Variants in CNIH3 observed in about 807,000 individuals in gnomAD.
CNIH3 encodes cornichon family AMPA receptor auxiliary protein 3, also known as protein cornichon homolog 3.
In CNIH3, 14 loss-of-function variants were observed where a neutral mutation model predicts 24.1. That is an observed-to-expected ratio of 0.58 (90% CI 0.38 to 0.91). The LOEUF (loss-of-function observed/expected upper bound fraction) is 0.91. Ranked by LOEUF, CNIH3 falls within the 40% of genes least tolerant of loss-of-function variation. The pLI, the probability that CNIH3 is intolerant of heterozygous loss-of-function variation, is 0.00. For synonymous variants in CNIH3, 68 were observed against 73.8 expected (o/e 0.92, Z 0.40); for missense variants, 178 against 196.8 (o/e 0.90, Z 0.57).
intron 1 of CNIH3, among the ~76,000 whole-genome samples, chr1:224,623,585 A>C (rs1046302389): frequency 6.6e-6 from 1 of 150,918 alleles, no homozygotes; most frequent in Non-Finnish European, 1.5e-5. Context: ...ACTGTCCCCC[A>C]CCCCTGACTG....
intron 1 of CNIH3, among the ~76,000 whole-genome samples, chr1:224,477,353 TC>T (rs1418819279): frequency 1.3e-5 from 2 of 152,218 alleles, no homozygotes; most frequent in Non-Finnish European, 2.9e-5. Flanking sequence ...ATCTCCTAAG[TC>T]GAATTCTGAA....
Position 224,734,615 on chromosome 1 carries a change from G to T in CNIH3, c.364G>T (p.Val122Phe). The T allele has an allele frequency of 2.5e-6, 4 of 1,614,196 alleles. No individual in the cohort carries two copies. The highest frequency in any genetic ancestry group is 3.4e-6 in the Non-Finnish European group (4 of 1,180,028). The change falls in exon 5 of 6, where the codon GTC becomes TTC. Residue 122 changes from valine (V) to phenylalanine (F), a missense_variant. Physicochemically the swap from Val to Phe is conservative, Grantham distance 50. Coordinates refer to ENST00000272133, the MANE Select transcript of CNIH3 (RefSeq NM_152495.2). The stretch of plus-strand genomic sequence containing the variant: ...AGAACTAGCCTACGACCCACCGGTG[G>T]TCATGAATGCCGACACTTTGAGTTA... ...SSELAYDPPV[V>F]MNADTLSYCQ...
chr1:224,678,273 G>T (rs1337681593), intron 1 of CNIH3, among the ~76,000 whole-genome samples: 1 of 152,196 alleles, frequency 6.6e-6, no homozygotes, highest in East Asian at 1.9e-4. Context: ...CACATGAAAA[G>T]ACCTAGGGCT....
intron 1 of CNIH3, among the ~76,000 whole-genome samples, chr1:224,671,921 A>G (rs16851528): frequency 0.23 from 35,625 of 152,080 alleles, 4,338 homozygotes; most frequent in African/African-American, 0.31. Flanking sequence ...ACTTGCATGT[A>G]GCAGTTTAGA....
At chr1:224,436,226 G>A (rs901510843) in intron 1 of CNIH3, among the ~76,000 whole-genome samples, 2 of 152,162 alleles carry the variant, frequency 1.3e-5, no homozygotes, top group Admixed American at 6.5e-5. Context: ...GCCGACCTGA[G>A]TTCTAGTTGA....
At chr1:224,518,182 G>A (rs908580309) in intron 1 of CNIH3, among the ~76,000 whole-genome samples, 2 of 152,166 alleles carry the variant, frequency 1.3e-5, no homozygotes, top group Admixed American at 6.5e-5. Flanking sequence ...AGACTGCAGC[G>A]ATTCATGAAC....
At chr1:224,439,791 T>C (rs987371865) in intron 1 of CNIH3, among the ~76,000 whole-genome samples, 1 of 151,546 alleles carries the variant, frequency 6.6e-6, no homozygotes, top group Admixed American at 6.6e-5. Flanking sequence ...TTGGTTTTTG[T>C]TTTGTTTTGT....
chr1:224,616,882 G>C lies in CNIH3; in HGVS notation c.-293G>C. 7.9e-7 allele frequency: 1 copy of C among 1,261,136 alleles called. No individual in the cohort carries two copies. Among genetic ancestry groups the C allele is most frequent in the Non-Finnish European group, 1.0e-6 (1 of 1,002,994 alleles). The allele number at this position is 1,261,136 out of a possible 1,614,324, so 78.1% of individuals were successfully genotyped here. A position where few individuals can be genotyped will look rare whatever the true frequency, so the allele number is the denominator to read the frequency against. On this transcript the variant is annotated 5_prime_UTR_variant, in exon 1 of 6. Transcript: ENST00000272133. Reference sequence around the variant, plus strand: ...CACAGCTTGGCACTAATTTGCAGGTGTTCGCTGCTGATTTGGTTTCTTCTT... The same window carrying C: ...CACAGCTTGGCACTAATTTGCAGGTCTTCGCTGCTGATTTGGTTTCTTCTT...
Position 224,703,977 on chromosome 1 carries a change from C to T in CNIH3, c.198+19134C>T, listed in dbSNP as rs556740163. The stretch of plus-strand genomic sequence containing the variant: ...AGGGAGCAACGGTGCACCAATCATG[C>T]GATGAATGAGGCCAGAGTTTCATTG... On this transcript the variant is annotated intron_variant, in intron 3 of 5. Coordinates refer to ENST00000272133, the MANE Select transcript of CNIH3 (RefSeq NM_152495.2). The surrounding 1 kb of genome is among the most constrained non-coding windows in gnomAD (Gnocchi z 4.2). Among the ~76,000 whole-genome samples, 9 of 151,070 alleles carry T rather than the reference C, an allele frequency of 6.0e-5. No individual in the cohort carries two copies. The South Asian group carries it at 1.2e-3, about 21-fold the overall frequency.
chr1:224,572,646 A>G (rs1364683573), intron 4 of CNIH3, among the ~76,000 whole-genome samples: 1 of 147,854 alleles, frequency 6.8e-6, no homozygotes, highest in Admixed American at 6.7e-5. Flanking sequence ...TTTTTTTTTA[A>G]TATTTCTGCC....
intron 3 of CNIH3, among the ~76,000 whole-genome samples, chr1:224,698,766 A>G (rs547474713): frequency 3.3e-5 from 5 of 152,348 alleles, no homozygotes; most frequent in African/African-American, 9.6e-5. Flanking sequence ...CTAGAAGATG[A>G]GTAAGGGCAC....
At chr1:224,681,610 A>G (rs942263426) in intron 2 of CNIH3, among the ~76,000 whole-genome samples, 1 of 152,168 alleles carries the variant, frequency 6.6e-6, no homozygotes, top group South Asian at 2.1e-4. Context: ...GGTGCCTGGC[A>G]TCTTCCTGCT....
At chr1:224,601,398 GCCGCTTAGTGC>G (rs1172391310) in intron 3 of CNIH3, among the ~76,000 whole-genome samples, 2 of 152,162 alleles carry the variant, frequency 1.3e-5, no homozygotes, top group Non-Finnish European at 2.9e-5. Flanking sequence ...CCGCCATTTT[GCCGCTTAGTGC>G]ACATGCTTGA....
chr1:224,546,522 G>A (rs1679711251), intron 2 of CNIH3, among the ~76,000 whole-genome samples: 1 of 152,182 alleles, frequency 6.6e-6, no homozygotes, highest in African/African-American at 2.4e-5. Flanking sequence ...AGGAGGAGAG[G>A]TCACAGAGGT....
At chr1:224,560,248 A>C (rs1306777156) in intron 3 of CNIH3, among the ~76,000 whole-genome samples, 1 of 152,156 alleles carries the variant, frequency 6.6e-6, no homozygotes, top group Non-Finnish European at 1.5e-5. Flanking sequence ...CATACCTAGG[A>C]GTGGAATTTC....
upstream of CNIH3, among the ~76,000 whole-genome samples, chr1:224,511,223 G>C (rs1229521636): frequency 6.6e-6 from 1 of 152,178 alleles, no homozygotes; most frequent in Non-Finnish European, 1.5e-5. Context: ...CGTTTCCAAG[G>C]CTCTATTCCC....
intron 1 of CNIH3, among the ~76,000 whole-genome samples, chr1:224,644,860 A>C (rs1684527018): frequency 6.6e-6 from 1 of 152,234 alleles, no homozygotes; most frequent in African/African-American, 2.4e-5. Flanking sequence ...AAGCGTAAGC[A>C]GCCAAGTGCA....
At chr1:224,700,995 C>T (rs1057150365) in intron 3 of CNIH3, among the ~76,000 whole-genome samples, 4 of 152,186 alleles carry the variant, frequency 2.6e-5, no homozygotes, top group African/African-American at 9.7e-5. Flanking sequence ...CCCAGGAGAT[C>T]CCAGGCACTT....
chr1:224,640,879 G>A lies in CNIH3; in HGVS notation c.81+23624G>A, dbSNP rs556538015. ...GTTCGGGGCAGGCTGCAAGCCAGCT[G>A]CTTGTTGTGTTCTAAGCAGCAGATC... is the stretch of plus-strand genomic sequence containing the variant. On this transcript the variant is annotated intron_variant, in intron 1 of 5. Transcript: ENST00000272133. Among the ~76,000 whole-genome samples the A allele has an allele frequency of 9.8e-5, 15 of 152,346 alleles. 1 individual carries two copies. The South Asian group carries it at 3.1e-3, about 32-fold the overall frequency.
Sources: allele counts gnomAD v4.1 joint callset (sites outside exome capture counted in the v4.1 genomes callset), GRCh38; gene constraint gnomAD v4.1.1; non-coding constraint Gnocchi (gnomAD v3.1); transcripts MANE v1.5; gene names NCBI Gene and HGNC (gene_info 2026-07-23, HGNC 2026-07-21).